Variants in SYT17 observed in about 807,000 individuals in gnomAD.
SYT17 encodes synaptotagmin 17, also known as synaptotagmin-17.
In SYT17, 22 loss-of-function variants were observed where a neutral mutation model predicts 46.7. The ratio of observed to expected loss-of-function variants is 0.47; its 90% CI spans 0.34 to 0.67. SYT17 has a LOEUF of 0.67. Ranked by LOEUF, SYT17 falls within the 30% of genes least tolerant of loss-of-function variation. The probability of loss-of-function intolerance (pLI) is 0.01; values close to 1 mark genes in which losing one functional copy is unlikely to be tolerated. For missense variants in SYT17, 519 were observed against 612.8 expected (o/e 0.85, Z 1.62); for synonymous variants, 251 against 248.4 (o/e 1.01, Z -0.10).
At chr16:19,254,018 C>T (rs764200770) in intron 7 of SYT17, among the ~76,000 whole-genome samples, 10 of 152,170 alleles carry the variant, frequency 6.6e-5, no homozygotes, top group Middle Eastern at 3.2e-3. Flanking sequence ...GGTGAACCAC[C>T]GCACCCAGTC....
chr16:19,212,744 A>G (rs1487184532), intron 5 of SYT17, among the ~76,000 whole-genome samples: 1 of 152,254 alleles, frequency 6.6e-6, no homozygotes, highest in Non-Finnish European at 1.5e-5. Context: ...TTATCTCACT[A>G]AATTTGGATA....
At chr16:19,264,075 C>T (rs997049128) in intron 7 of SYT17, among the ~76,000 whole-genome samples, 1 of 152,164 alleles carries the variant, frequency 6.6e-6, no homozygotes, top group Non-Finnish European at 1.5e-5. Context: ...CCTGTCCCTT[C>T]CACCATGTGG....
At chr16:19,209,173 C>A (rs1330987261) in intron 5 of SYT17, among the ~76,000 whole-genome samples, 1 of 151,986 alleles carries the variant, frequency 6.6e-6, no homozygotes, top group African/African-American at 2.4e-5. Context: ...CCTGCCAGGA[C>A]ATTATTTCTA....
In SYT17 at chr16:19,243,963, A is replaced by G. The variant is rs559816862; in HGVS notation, c.1228+19125A>G. The stretch of plus-strand genomic sequence containing the variant: ...GGACTAGGGCAAGTTGTACTTTTCC[A>G]AGTTATTAAGTGTGGCTTGGAAAAG... On this transcript the variant is annotated intron_variant, in intron 7 of 7. Coordinates refer to ENST00000355377, the MANE Select transcript of SYT17 (RefSeq NM_016524.4). 1.1e-4 allele frequency among the ~76,000 whole-genome samples: 17 copies of G among 152,212 alleles called. No homozygotes were observed. In the East Asian group the frequency reaches 3.3e-3, roughly 29 times the overall value.
At chr16:19,214,330 T>A (rs947321692) in intron 5 of SYT17, among the ~76,000 whole-genome samples, 17 of 152,156 alleles carry the variant, frequency 1.1e-4, no homozygotes, top group African/African-American at 4.1e-4. Context: ...CCTGGTCAGC[T>A]TTTTTTGTTT....
chr16:19,172,622 G>GA (rs1964140367), intron 1 of SYT17, 138 bp from the exon 2 acceptor site: 1 of 1,531,686 alleles, frequency 6.5e-7, no homozygotes, highest in Admixed American at 2.2e-5. Context: ...ATGGTAAGTG[G>GA]AAATATGCAG....
chr16:19,173,693 G>A (rs1964200467), intron 3 of SYT17, 115 bp downstream of exon 3: 11 of 1,184,962 alleles, frequency 9.3e-6, no homozygotes, highest in Non-Finnish European at 1.1e-5. Context: ...GCATGAAAGA[G>A]AAGCAGGCTG....
At chr16:19,221,219 G>GAA (rs1966307544) in intron 5 of SYT17, among the ~76,000 whole-genome samples, 1 of 149,782 alleles carries the variant, frequency 6.7e-6, no homozygotes, top group Non-Finnish European at 1.5e-5. Flanking sequence ...GAGAGAGAGA[G>GAA]AATGAGGAAT....
At chr16:19,189,027 C>T (rs1964903926) in intron 5 of SYT17, among the ~76,000 whole-genome samples, 1 of 152,076 alleles carries the variant, frequency 6.6e-6, no homozygotes, top group Non-Finnish European at 1.5e-5. Context: ...GCTGGGACTA[C>T]AGGCGCCCAC....
chr16:19,266,273 C>T (rs1023759466), intron 7 of SYT17, among the ~76,000 whole-genome samples: 5 of 152,334 alleles, frequency 3.3e-5, no homozygotes, highest in African/African-American at 1.2e-4. Flanking sequence ...ATGCATTGGC[C>T]TCCGCAGGGG....
At chr16:19,173,391 C>CT in intron 2 of SYT17, 39 bp from the exon 3 acceptor site, 1 of 447,454 alleles carries the variant, frequency 2.2e-6, no homozygotes. Context: ...CACCTCCCCT[C>CT]TCCCCCATCC....
At chr16:19,224,887 C>T (rs1488920710) in intron 7 of SYT17, 49 bp downstream of exon 7, 2 of 1,603,850 alleles carry the variant, frequency 1.2e-6, no homozygotes, top group East Asian at 2.2e-5. Context: ...GCACGTCAAA[C>T]TTACTGTCCT....
chr16:19,208,690 G>T (rs2142780232), intron 5 of SYT17, among the ~76,000 whole-genome samples: 1 of 152,128 alleles, frequency 6.6e-6, no homozygotes, highest in South Asian at 2.1e-4. Context: ...CCAGGCCTCT[G>T]TCACAGTGTC....
chr16:19,213,654 TGCATGCC>T (rs1373385663), intron 5 of SYT17, among the ~76,000 whole-genome samples: 2 of 152,162 alleles, frequency 1.3e-5, no homozygotes, highest in African/African-American at 4.8e-5. Flanking sequence ...GGACCACAGA[TGCATGCC>T]ACCATGCTAA....
At chr16:19,260,195 A>C (rs1436097044) in intron 7 of SYT17, among the ~76,000 whole-genome samples, 3 of 151,974 alleles carry the variant, frequency 2.0e-5, no homozygotes, top group Non-Finnish European at 4.4e-5. Context: ...ACCAGATTTA[A>C]AGAGTCTCTT....
chr16:19,190,715 T>G (rs1809425149), intron 5 of SYT17, among the ~76,000 whole-genome samples: 2 of 152,012 alleles, frequency 1.3e-5, no homozygotes, highest in South Asian at 2.1e-4. Context: ...TCATCTGTGT[T>G]GTAGCATGAG....
chr16:19,258,091 C>T (rs770987989), intron 7 of SYT17, among the ~76,000 whole-genome samples: 91 of 152,050 alleles, frequency 6.0e-4, no homozygotes, highest in Admixed American at 7.2e-4. Flanking sequence ...GGAACAAATT[C>T]GTTTTTACAG....
intron 5 of SYT17, among the ~76,000 whole-genome samples, chr16:19,199,973 A>G (rs1327588560): frequency 1.3e-5 from 2 of 152,226 alleles, no homozygotes; most frequent in East Asian, 1.9e-4. Context: ...TGTCTTTACT[A>G]TCCCTATTGT....
chr16:19,223,165 G>A lies in SYT17; in HGVS notation c.1072G>A (p.Asp358Asn). ...LLQTDVSQGS[D>N]PFVKIQLVHG... ...TCAGACAGATGTGAGCCAAGGTTCA[G>A]GTACCGTGTGATTCCCCTCTTCTCT... The change falls in exon 6 of 8, where the codon GAC becomes AAC. Residue 358 changes from aspartate (D) to asparagine (N), a missense_variant and splice_region_variant. Physicochemically the swap from Asp to Asn is conservative, Grantham distance 23 (BLOSUM62 1). Coordinates refer to ENST00000355377, the MANE Select transcript of SYT17 (RefSeq NM_016524.4). The A allele has an allele frequency of 1.2e-6, 2 of 1,613,374 alleles. No homozygotes were observed. Among genetic ancestry groups the A allele is most frequent in the East Asian group, 2.2e-5 (1 of 44,866 alleles).
Sources: allele counts gnomAD v4.1 joint callset (sites outside exome capture counted in the v4.1 genomes callset), GRCh38; gene constraint gnomAD v4.1.1; transcripts MANE v1.5; gene names NCBI Gene and HGNC (gene_info 2026-07-23, HGNC 2026-07-21).